The following ALMS1 variants were observed in gnomAD, a reference collection of about 807,000 sequenced individuals.
ALMS1 encodes the protein ALMS1 centrosome and basal body associated protein, also known as centrosome-associated protein ALMS1.
In ALMS1, 271 loss-of-function variants were observed where a neutral mutation model predicts 352.2. The observed-to-expected ratio is 0.77, with a 90% CI of 0.70 to 0.85. The LOEUF is 0.85. Ranked by LOEUF, ALMS1 falls within the 40% of genes least tolerant of loss-of-function variation. The pLI is 0.00. For synonymous variants in ALMS1, 1,865 were observed against 1,761.2 expected (o/e 1.06, Z -1.48); for missense variants, 5,445 against 4,870.7 (o/e 1.12, Z -3.51).
chr2:73,603,212 C>T, intron 20 of ALMS1, 29 bp from the exon 21 acceptor site: 1 of 1,611,006 alleles, frequency 6.2e-7, no homozygotes, highest in Non-Finnish European at 8.5e-7. Context: ...AGTCACTGTC[C>T]ACTGAAAACC....
chr2:73,590,991 T>A (rs1028221731), intron 16 of ALMS1, among the ~76,000 whole-genome samples: 10 of 152,040 alleles, frequency 6.6e-5, no homozygotes, highest in African/African-American at 2.4e-4. Context: ...TTTTTCTTTT[T>A]TAGAGATGTG....
intron 1 of ALMS1, among the ~76,000 whole-genome samples, chr2:73,407,370 A>G (rs1326279714): frequency 6.6e-6 from 1 of 152,216 alleles, no homozygotes; most frequent in African/African-American, 2.4e-5. Context: ...CAGTACTGCC[A>G]CATTGCGGAT....
chr2:73,608,029 C>T (rs1373067174), intron 21 of ALMS1, among the ~76,000 whole-genome samples: 3 of 152,132 alleles, frequency 2.0e-5, no homozygotes, highest in African/African-American at 7.2e-5. Context: ...AACCTCCTTC[C>T]ACCAGACCAA....
chr2:73,466,974 C>G (rs1227263840), intron 9 of ALMS1, among the ~76,000 whole-genome samples: 2 of 151,874 alleles, frequency 1.3e-5, no homozygotes, highest in African/African-American at 4.8e-5. Flanking sequence ...CTATAATAAC[C>G]CTGTCCCCTA....
At chr2:73,465,812 A>C (rs576084573) in intron 9 of ALMS1, among the ~76,000 whole-genome samples, 25 of 152,330 alleles carry the variant, frequency 1.6e-4, no homozygotes, top group Admixed American at 1.3e-4. Context: ...ACCCCATCAA[A>C]AAGTGGGTGA....
intron 3 of ALMS1, among the ~76,000 whole-genome samples, chr2:73,421,422 C>A (rs1671281744): frequency 6.6e-6 from 1 of 152,130 alleles, no homozygotes; most frequent in Non-Finnish European, 1.5e-5. Context: ...GTTAAAAACT[C>A]TTCATGAGTT....
At chr2:73,444,761 T>C (rs568163276) in intron 7 of ALMS1, among the ~76,000 whole-genome samples, 1 of 152,188 alleles carries the variant, frequency 6.6e-6, no homozygotes, top group African/African-American at 2.4e-5. Flanking sequence ...ACTGTGGTAA[T>C]AAGGGTATCA....
At chr2:73,522,896 T>TA (rs1673714626) in intron 11 of ALMS1, among the ~76,000 whole-genome samples, 1 of 152,236 alleles carries the variant, frequency 6.6e-6, no homozygotes, top group Admixed American at 6.5e-5. Context: ...TTCTTGTGGA[T>TA]AATTCAGGTC....
At chr2:73,468,978 C>T (rs1168446314) in intron 9 of ALMS1, among the ~76,000 whole-genome samples, 3 of 151,848 alleles carry the variant, frequency 2.0e-5, no homozygotes, top group Non-Finnish European at 4.4e-5. Flanking sequence ...AGGAAACTCT[C>T]TTAGATTGCT....
intron 5 of ALMS1, among the ~76,000 whole-genome samples, chr2:73,425,799 T>C (rs2103718503): frequency 6.6e-6 from 1 of 152,316 alleles, no homozygotes; most frequent in East Asian, 1.9e-4. Context: ...AACCAGCAGC[T>C]TCAAAACCAT....
At chr2:73,437,683 C>G (rs1671631610) in intron 7 of ALMS1, among the ~76,000 whole-genome samples, 1 of 152,166 alleles carries the variant, frequency 6.6e-6, no homozygotes, top group Non-Finnish European at 1.5e-5. Flanking sequence ...TCACTTATCT[C>G]TCAGAGTAGT....
intron 10 of ALMS1, among the ~76,000 whole-genome samples, chr2:73,503,394 C>T (rs1419018956): frequency 2.6e-5 from 4 of 152,034 alleles, no homozygotes; most frequent in Admixed American, 2.6e-4. Flanking sequence ...TGATGATTTC[C>T]AATTTTATCC....
In ALMS1 at chr2:73,452,049, C is replaced by G. The variant is rs762249625; in HGVS notation, c.5522C>G (p.Thr1841Ser). The change falls in exon 8 of 23, where the codon ACT becomes AGT. Residue 1841 changes from threonine to serine, a missense_variant. By Grantham distance (58) the Thr-to-Ser change is moderately conservative. Coordinates refer to ENST00000613296, the MANE Select transcript of ALMS1 (RefSeq NM_001378454.1). ...LRVPGPADQK[T>S]GINILPSNSY... The stretch of plus-strand genomic sequence containing the variant: ...GTTCCTGGACCAGCTGACCAGAAGA[C>G]TGGAATAAACATCCTGCCCTCTAAT... 3 of 1,613,966 alleles carry G rather than the reference C, an allele frequency of 1.9e-6. No homozygotes were observed. Among genetic ancestry groups the G allele is most frequent in the Non-Finnish European group, 2.5e-6 (3 of 1,180,002 alleles).
intron 10 of ALMS1, among the ~76,000 whole-genome samples, chr2:73,507,137 T>C (rs1314931582): frequency 6.6e-6 from 1 of 152,194 alleles, no homozygotes; most frequent in Non-Finnish European, 1.5e-5. Flanking sequence ...GCTGACTTGA[T>C]CTTGGTGGAT....
chr2:73,565,151 A>G (rs886879544), intron 15 of ALMS1, among the ~76,000 whole-genome samples: 1 of 152,208 alleles, frequency 6.6e-6, no homozygotes, highest in Non-Finnish European at 1.5e-5. Flanking sequence ...TATCAACAAC[A>G]AGAAACAGAA....
chr2:73,558,753 A>C (rs183878776), intron 14 of ALMS1, among the ~76,000 whole-genome samples: 1 of 152,162 alleles, frequency 6.6e-6, no homozygotes, highest in East Asian at 1.9e-4. Context: ...CTTTCTTTGA[A>C]TACCGCTACC....
At chr2:73,599,339 C>T in intron 16 of ALMS1, 62 bp from the exon 17 acceptor site, 1 of 1,601,012 alleles carries the variant, frequency 6.2e-7, no homozygotes, top group Admixed American at 1.7e-5. Flanking sequence ...GCTTGCTTAT[C>T]CTGTGGATAA....
intron 11 of ALMS1, among the ~76,000 whole-genome samples, chr2:73,526,481 T>C (rs1180973128): frequency 6.6e-6 from 1 of 152,196 alleles, no homozygotes; most frequent in Non-Finnish European, 1.5e-5. Context: ...CAGTGTTTTA[T>C]AGTTTCCTTT....
At chr2:73,485,437 G>T (rs1024531029) in intron 9 of ALMS1, among the ~76,000 whole-genome samples, 4 of 152,244 alleles carry the variant, frequency 2.6e-5, no homozygotes, top group African/African-American at 9.6e-5. Context: ...CCCGTTCTCA[G>T]ATCTCCAGCT....
Sources: gnomAD v4.1 joint callset for allele counts (sites outside exome capture counted in the v4.1 genomes callset) on GRCh38, gnomAD v4.1.1 for gene constraint, MANE v1.5 for transcripts, NCBI Gene and HGNC (gene_info 2026-07-23, HGNC 2026-07-21) for gene names.